The following KDM2A variants were observed in gnomAD, a reference collection of about 807,000 sequenced individuals.
KDM2A encodes lysine-specific demethylase 2A.
KDM2A carries 3 observed loss-of-function variants against 137.3 expected under a neutral mutation model. The ratio of observed to expected loss-of-function variants is 0.02; its 90% CI spans 0.01 to 0.06. The LOEUF (loss-of-function observed/expected upper bound fraction) is 0.06, where lower values mean the gene tolerates loss of function less well. KDM2A is among the 10% of genes least tolerant of loss of function. The pLI, the probability that KDM2A is intolerant of heterozygous loss-of-function variation, is 1.00. For synonymous variants in KDM2A, 512 were observed against 541.5 expected, an observed-to-expected ratio of 0.95 and a Z score of 0.76; for missense variants, 738 against 1,510.6, an observed-to-expected ratio of 0.49 and a Z score of 8.48.
intron 5 of KDM2A, among the ~76,000 whole-genome samples, chr11:67,201,457 TAGTG>T (rs1342825768): frequency 4.0e-5 from 6 of 151,546 alleles, no homozygotes; most frequent in African/African-American, 7.3e-5. Context: ...CTGGGAAACA[TAGTG>T]AGACCATCTC....
At chr11:67,241,242 C>T (rs1340016152) in intron 12 of KDM2A, among the ~76,000 whole-genome samples, 2 of 152,118 alleles carry the variant, frequency 1.3e-5, no homozygotes, top group African/African-American at 4.8e-5. Flanking sequence ...GAGCCCATAC[C>T]AGAGCCTTGT....
At chr11:67,240,091 A>T in intron 12 of KDM2A, 7 of 1,378,232 alleles carry the variant, frequency 5.1e-6, no homozygotes, top group Non-Finnish European at 6.6e-6. Context: ...ACGCAGCAGC[A>T]TTGTTCGCAG....
chr11:67,121,141 C>T (rs1238196164), intron 1 of KDM2A, 93 bp from the exon 2 acceptor site: 1 of 611,030 alleles, frequency 1.6e-6, no homozygotes, highest in Non-Finnish European at 2.9e-6. Flanking sequence ...TTTCAGAGAG[C>T]CTTTAACACT....
At chr11:67,130,597 A>G (rs560690616) in intron 2 of KDM2A, among the ~76,000 whole-genome samples, 227 of 152,322 alleles carry the variant, frequency 1.5e-3, no homozygotes, top group African/African-American at 5.3e-3. Context: ...TACATTATGT[A>G]TATCATGTAG....
In KDM2A at chr11:67,250,305, C is replaced by T. The variant is rs756231877; in HGVS notation, c.2275C>T (p.Arg759Trp). 10 of 1,613,968 alleles carry T rather than the reference C, an allele frequency of 6.2e-6. No homozygotes were observed. The Admixed American group carries it at 6.7e-5, about 11-fold the overall frequency. ...HSASRDERFK[R>W]RQLLRLQATE... is the part of the protein sequence containing the mutation. Reference sequence around the variant, plus strand: ...TGCCAGCCGCGATGAGCGCTTCAAACGGCGGCAGTTGCTGCGGCTGCAGGC... The same window carrying T: ...TGCCAGCCGCGATGAGCGCTTCAAATGGCGGCAGTTGCTGCGGCTGCAGGC... The change falls in exon 17 of 21, where the codon CGG (arginine) becomes TGG (tryptophan). Residue 759 changes from arginine (R) to tryptophan (W), a missense_variant. By Grantham distance (101) the Arg-to-Trp change is moderately radical. Transcript: ENST00000529006. The surrounding 1 kb of genome is among the most constrained non-coding windows in gnomAD (Gnocchi z 7.1).
At chr11:67,134,654 G>T (rs573875937) in intron 2 of KDM2A, among the ~76,000 whole-genome samples, 1 of 150,804 alleles carries the variant, frequency 6.6e-6, no homozygotes, top group Non-Finnish European at 1.5e-5. Flanking sequence ...ACAGGTATGC[G>T]TCGCCACGCC....
chr11:67,149,065 A>G (rs1406286488), intron 2 of KDM2A: 2 of 152,184 alleles, frequency 1.3e-5, no homozygotes, highest in Admixed American at 6.5e-5. Flanking sequence ...ATGGTGGCAG[A>G]TGAAAAAGCA....
At chr11:67,206,464 T>C (rs755577598) in intron 5 of KDM2A, among the ~76,000 whole-genome samples, 2 of 151,942 alleles carry the variant, frequency 1.3e-5, no homozygotes, top group African/African-American at 2.4e-5. Flanking sequence ...AGGCTGGGCA[T>C]GGTGGCTCAC....
intron 2 of KDM2A, among the ~76,000 whole-genome samples, chr11:67,162,857 G>T (rs1856663998): frequency 6.6e-6 from 1 of 152,118 alleles, no homozygotes; most frequent in South Asian, 2.1e-4. Context: ...GGGACTGTAG[G>T]CATGTGCCAC....
At position 67,181,853 on chromosome 11, in the gene KDM2A, G is replaced by A; in HGVS notation, c.268G>A (p.Asp90Asn). 1 of 1,613,702 alleles carries A rather than the reference G, an allele frequency of 6.2e-7. No homozygotes were observed. Among genetic ancestry groups the A allele is most frequent in the Non-Finnish European group, 8.5e-7 (1 of 1,179,740 alleles). ...NSDGLGIKMP[D>N]PDFTVNDVKM... ...CTGGTGTTTGTTTCATAGAATGCCG[G>A]ATCCAGACTTCACTGTGAATGATGT... The change falls in exon 5 of 21, where the codon GAT becomes AAT. Residue 90 changes from aspartate to asparagine, a missense_variant. Physicochemically the swap from Asp to Asn is conservative, Grantham distance 23. Transcript: ENST00000529006.
chr11:67,254,470 C>T lies in KDM2A; in HGVS notation c.3307+52C>T, dbSNP rs1259600408. 1 of 1,490,360 alleles carries T rather than the reference C, an allele frequency of 6.7e-7. No individual in the cohort carries two copies. The highest frequency in any genetic ancestry group is 2.3e-5 in the East Asian group (1 of 44,306). 92.3% of individuals were successfully genotyped at this position (1,490,360 alleles called of 1,614,324 possible). A position where few individuals can be genotyped will look rare whatever the true frequency, so the allele number is the denominator to read the frequency against. ...AGCGGTGCCCCCTGCCTCCAGCCCT[C>T]CCTGGAACTTGATCAGTAAACCAGA... On this transcript the variant is annotated intron_variant, in intron 20 of 20. Transcript: ENST00000529006. The surrounding 1 kb of genome is among the most constrained non-coding windows in gnomAD (Gnocchi z 4.7).
intron 5 of KDM2A, 60 bp from the exon 6 acceptor site, chr11:67,207,450 T>C: frequency 7.9e-7 from 1 of 1,269,700 alleles, no homozygotes; most frequent in Admixed American, 2.6e-5. Flanking sequence ...AAAAATATTC[T>C]TACTATATTT....
At chr11:67,241,258 G>GT (rs1859032539) in intron 12 of KDM2A, among the ~76,000 whole-genome samples, 1 of 152,120 alleles carries the variant, frequency 6.6e-6, no homozygotes, top group Non-Finnish European at 1.5e-5. Context: ...CTTGTCCCAC[G>GT]TGGCACCACA....
At chr11:67,165,055 T>C (rs1856710165) in intron 2 of KDM2A, among the ~76,000 whole-genome samples, 1 of 152,154 alleles carries the variant, frequency 6.6e-6, no homozygotes, top group African/African-American at 2.4e-5. Context: ...TTGCCAGGAC[T>C]GTAATGTAAT....
At chr11:67,156,748 G>A (rs908838696) in intron 2 of KDM2A, among the ~76,000 whole-genome samples, 9 of 149,974 alleles carry the variant, frequency 6.0e-5, no homozygotes, top group African/African-American at 2.2e-4. Context: ...AATTAGCTGG[G>A]CATGGTGGCA....
rs549682066 is a variant in KDM2A, at chr11:67,126,172, C to T, written c.42+4814C>T. Among the ~76,000 whole-genome samples the T allele has an allele frequency of 4.8e-5, 7 of 146,058 alleles. No homozygotes were observed. The South Asian group carries it at 1.1e-3, about 23-fold the overall frequency. On this transcript the variant is annotated intron_variant, in intron 2 of 20. Coordinates refer to ENST00000529006, the MANE Select transcript of KDM2A (RefSeq NM_012308.3). ...GAGGCAGGAGAATCGCTTGAACCCG[C>T]GAGACAGAGGTTGTGCTGAGCTGAG...
intron 2 of KDM2A, among the ~76,000 whole-genome samples, chr11:67,123,431 A>C (rs1855645165): frequency 6.6e-6 from 1 of 151,922 alleles, no homozygotes; most frequent in South Asian, 2.1e-4. Context: ...TTTATCTCTA[A>C]CTTTGTAGAA....
At chr11:67,165,123 A>C (rs1188826460) in intron 2 of KDM2A, among the ~76,000 whole-genome samples, 1 of 148,948 alleles carries the variant, frequency 6.7e-6, no homozygotes, top group Non-Finnish European at 1.5e-5. Flanking sequence ...TAGAATACCA[A>C]CTTTTTTTTT....
At chr11:67,252,354 G>A (rs372108346) in intron 17 of KDM2A, 2 of 317,312 alleles carry the variant, frequency 6.3e-6, no homozygotes, top group East Asian at 7.8e-5. Flanking sequence ...ACTTCAGCAG[G>A]AACCATGCCA....
Sources: gnomAD v4.1 joint callset for allele counts (sites outside exome capture counted in the v4.1 genomes callset) on GRCh38, gnomAD v4.1.1 for gene constraint, Gnocchi (gnomAD v3.1) non-coding constraint, MANE v1.5 for transcripts, NCBI Gene and HGNC (gene_info 2026-07-23, HGNC 2026-07-21) for gene names.